FAM13B: variants seen among roughly 807,000 people sequenced by gnomAD.
FAM13B encodes protein FAM13B.
A neutral mutation model predicts 117.3 loss-of-function variants in FAM13B; 60 were observed. The ratio of observed to expected loss-of-function variants is 0.51; its 90% CI spans 0.42 to 0.63. The LOEUF is 0.63. Among genes scored for constraint, FAM13B ranks in the 30% least tolerant of loss-of-function variants. The pLI, the probability that FAM13B is intolerant of heterozygous loss-of-function variation, is 0.00. For missense variants in FAM13B, 972 were observed against 1,091.9 expected, an observed-to-expected ratio of 0.89 and a Z score of 1.55; for synonymous variants, 332 against 356.1, an observed-to-expected ratio of 0.93 and a Z score of 0.76.
intron 7 of FAM13B, 58 bp downstream of exon 7, chr5:138,006,932 G>C: frequency 6.7e-7 from 1 of 1,482,948 alleles, no homozygotes; most frequent in East Asian, 2.3e-5. Context: ...ATGCTGGAGT[G>C]AGTTTACACT....
chr5:138,004,085 A>G (rs1345562322), intron 7 of FAM13B, among the ~76,000 whole-genome samples: 2 of 152,040 alleles, frequency 1.3e-5, no homozygotes, highest in Non-Finnish European at 2.9e-5. Flanking sequence ...CCTGGCCAAC[A>G]TGGTGAAATC....
chr5:138,001,928 G>C lies in FAM13B; in HGVS notation c.848+5062C>G, dbSNP rs541497616. ...ATGACCAAAGAGAGAGCAGGCAAGA[G>C]ATAAAGGAAAAACGGGTACAGCAGT... On this transcript the variant is annotated intron_variant, in intron 7 of 23. Coordinates refer to ENST00000689681, the MANE Select transcript of FAM13B (RefSeq NM_001385994.1). Among the ~76,000 whole-genome samples the C allele has an allele frequency of 1.4e-4, 22 of 152,256 alleles. No individual in the cohort carries two copies. The East Asian group carries it at 4.2e-3, about 29-fold the overall frequency.
intron 3 of FAM13B, 87 bp downstream of exon 3, chr5:138,018,865 TAAA>T: frequency 1.1e-6 from 1 of 934,964 alleles, no homozygotes; most frequent in Non-Finnish European, 1.5e-6. Context: ...CTTTCCATAT[TAAA>T]AAAAAAAATT....
At chr5:137,940,410 T>C (rs1761308578) in intron 23 of FAM13B, 62 bp from the exon 24 acceptor site, 2 of 1,241,656 alleles carry the variant, frequency 1.6e-6, no homozygotes, top group East Asian at 4.7e-5. Context: ...GATCCAAAAG[T>C]TGTCTTAATA....
intron 7 of FAM13B, among the ~76,000 whole-genome samples, chr5:138,004,245 G>A (rs1448084245): frequency 6.6e-6 from 1 of 151,752 alleles, no homozygotes; most frequent in Non-Finnish European, 1.5e-5. Flanking sequence ...CTCCAGCCTG[G>A]GCAACAGAGC....
At chr5:138,010,469 T>TATATATATA (rs1196376584) in intron 6 of FAM13B, among the ~76,000 whole-genome samples, 1 of 152,194 alleles carries the variant, frequency 6.6e-6, no homozygotes, top group Non-Finnish European at 1.5e-5. Context: ...TTTTAAAAGA[T>TATATATATA]TATAATGTAA....
chr5:138,023,493 T>C (rs983998714), intron 1 of FAM13B, among the ~76,000 whole-genome samples: 1 of 152,218 alleles, frequency 6.6e-6, no homozygotes, highest in South Asian at 2.1e-4. Flanking sequence ...CTCAAAGTCC[T>C]TGAGCTCTTA....
chr5:138,002,563 T>C (rs541784169), intron 7 of FAM13B, among the ~76,000 whole-genome samples: 1 of 152,148 alleles, frequency 6.6e-6, no homozygotes, highest in African/African-American at 2.4e-5. Context: ...CAGATATCCT[T>C]GTTTAGCAGA....
At chr5:138,036,127 T>C (rs973128089), upstream of FAM13B, 3 of 337,786 alleles carry the variant, frequency 8.9e-6, no homozygotes, top group Non-Finnish European at 1.8e-5. Context: ...CTCCGTACCC[T>C]AGGGGGTGCC....
intron 7 of FAM13B, among the ~76,000 whole-genome samples, chr5:137,989,163 T>C (rs2150615156): frequency 6.6e-6 from 1 of 152,346 alleles, no homozygotes; most frequent in East Asian, 1.9e-4. Context: ...TGTAGCTACC[T>C]TGTCATTTTT....
Position 137,949,093 on chromosome 5 carries a change from G to T in FAM13B, c.2022C>A (p.Asp674Glu). 2.5e-6 allele frequency: 4 copies of T among 1,613,912 alleles called. No individual in the cohort carries two copies. Among genetic ancestry groups the T allele is most frequent in the Non-Finnish European group, 3.4e-6 (4 of 1,179,936 alleles). The change falls in exon 18 of 24, where the codon GAC becomes GAA. Residue 674 changes from aspartate (D) to glutamate (E), a missense_variant. By Grantham distance (45) the Asp-to-Glu change is conservative. Transcript: ENST00000689681. ...CATCTTCATTCTCTTCATCTTCATG[G>T]TCTAGAGAAGAGCCAAAGCTTTTTG... ...TLPKSFGSSLDHEDEENEDEP... is the reference protein window; with the variant it reads ...TLPKSFGSSLEHEDEENEDEP...
intron 10 of FAM13B, among the ~76,000 whole-genome samples, chr5:137,972,567 T>A (rs1202093258): frequency 6.6e-6 from 1 of 151,968 alleles, no homozygotes; most frequent in Non-Finnish European, 1.5e-5. Flanking sequence ...GGATGCCCTC[T>A]CTCACCACTC....
rs1269994854 is a variant in FAM13B at position 137,989,736 on chromosome 5, G to A, written c.849-1421C>T. On this transcript the variant is annotated intron_variant, in intron 7 of 23. Transcript: ENST00000689681. Reference sequence around the variant, plus strand: ...CTAGCTACTTAGGAGGCTGAGGCAGGAAGATCGCTTGAGCCCAGGGAGGTT... The same window carrying A: ...CTAGCTACTTAGGAGGCTGAGGCAGAAAGATCGCTTGAGCCCAGGGAGGTT... Among the ~76,000 whole-genome samples, 6 of 152,292 alleles carry A rather than the reference G, an allele frequency of 3.9e-5. No individual in the cohort carries two copies. The East Asian group carries it at 1.2e-3, about 29-fold the overall frequency.
In FAM13B at chr5:137,956,546, A is replaced by G; in HGVS notation, c.1442-4T>C. The G allele has an allele frequency of 6.3e-7, 1 of 1,584,334 alleles. No individual in the cohort carries two copies. The highest frequency in any genetic ancestry group is 8.6e-7 in the Non-Finnish European group (1 of 1,163,800). ...GGAAAAGTGATAGGGCATGACGCTA[A>G]TAAAATGGAAAAAATGGCAAAAAAT... On this transcript the variant is annotated splice_polypyrimidine_tract_variant and splice_region_variant and intron_variant, in intron 13 of 23. Transcript: ENST00000689681.
At chr5:137,956,105 G>A (rs948789621) in intron 14 of FAM13B, among the ~76,000 whole-genome samples, 3 of 152,088 alleles carry the variant, frequency 2.0e-5, no homozygotes, top group Admixed American at 6.5e-5. Flanking sequence ...TTATGCATTA[G>A]CAATTTAAAG....
intron 20 of FAM13B, among the ~76,000 whole-genome samples, chr5:137,945,697 C>T (rs1364715116): frequency 6.6e-6 from 1 of 152,170 alleles, no homozygotes; most frequent in Admixed American, 6.5e-5. Context: ...ATGACATAAG[C>T]ATACATAAAA....
Position 138,032,781 on chromosome 5 carries a change from C to A in FAM13B, c.-203+1G>T. ...ATCCGGGTACCCGCCCGTTTACCTA[C>A]CGTTGGAACCGCGATGCCCCGTTCC... is the stretch of plus-strand genomic sequence containing the variant. On this transcript the variant is annotated splice_donor_variant, in intron 1 of 23. Coordinates refer to ENST00000689681, the MANE Select transcript of FAM13B (RefSeq NM_001385994.1). LOFTEE classifies it low-confidence loss of function (5UTR_SPLICE). The A allele has an allele frequency of 1.0e-6, 1 of 985,794 alleles. No homozygotes were observed. Among genetic ancestry groups the A allele is most frequent in the Non-Finnish European group, 1.2e-6 (1 of 830,002 alleles). 61.1% of individuals were successfully genotyped at this position (985,794 alleles called of 1,614,324 possible).
At chr5:137,987,108 G>A (rs757832627) in intron 9 of FAM13B, among the ~76,000 whole-genome samples, 4 of 152,068 alleles carry the variant, frequency 2.6e-5, no homozygotes, top group Non-Finnish European at 5.9e-5. Flanking sequence ...TGCTGCCCCT[G>A]TAACTGTCTG....
At chr5:137,946,653 C>T (rs1004921419) in intron 18 of FAM13B, among the ~76,000 whole-genome samples, 5 of 152,222 alleles carry the variant, frequency 3.3e-5, no homozygotes, top group African/African-American at 1.2e-4. Flanking sequence ...CCTTAAAGGG[C>T]TCTAAAGAGG....
Sources: allele counts gnomAD v4.1 joint callset (sites outside exome capture counted in the v4.1 genomes callset), GRCh38; gene constraint gnomAD v4.1.1; transcripts MANE v1.5; gene names NCBI Gene and HGNC (gene_info 2026-07-23, HGNC 2026-07-21).